Variants in INSR observed in about 807,000 individuals in gnomAD.
The protein encoded by INSR is insulin receptor, also known as IR.
INSR carries 67 observed loss-of-function variants against 142.6 expected under a neutral mutation model. The ratio of observed to expected loss-of-function variants is 0.47; its 90% CI spans 0.39 to 0.58. The LOEUF (loss-of-function observed/expected upper bound fraction) is 0.58. Among genes scored for constraint, INSR ranks in the 20% least tolerant of loss-of-function variants. INSR has a pLI of 0.00. For synonymous variants in INSR, 756 were observed against 743.1 expected (o/e 1.02, Z -0.28); for missense variants, 1,248 against 1,833.2 (o/e 0.68, Z 5.83).
chr19:7,134,780 G>A (rs1055460331), intron 13 of INSR, among the ~76,000 whole-genome samples: 2 of 151,712 alleles, frequency 1.3e-5, no homozygotes, highest in African/African-American at 2.4e-5. Flanking sequence ...AAAAGAAAAT[G>A]TGGTATACTT....
intron 2 of INSR, among the ~76,000 whole-genome samples, chr19:7,241,800 A>G (rs1251027607): frequency 6.6e-6 from 1 of 151,960 alleles, no homozygotes; most frequent in Non-Finnish European, 1.5e-5. Context: ...CACCACGGAG[A>G]GGGGTTCAGC....
intron 2 of INSR, among the ~76,000 whole-genome samples, chr19:7,198,394 T>C (rs900620064): frequency 1.3e-5 from 2 of 152,140 alleles, no homozygotes; most frequent in East Asian, 3.9e-4. Flanking sequence ...AGGTCGAGTC[T>C]GCCACGGATG....
In INSR at chr19:7,128,929, T is replaced by G. The variant is rs1439037362; in HGVS notation, c.2868A>C (p.Lys956Asn). ...DYLDVPSNIA[K>N]IIIGPLIFVF... ...CAAAGATGAGGGGGCCGATGATAAT[T>G]TTTGCAATATTTGACGGGACGTCTA... Residue 956 changes from lysine (K) to asparagine (N), a missense_variant, in exon 15 of 22, where the codon AAA (lysine) becomes AAC (asparagine). Transcript: ENST00000302850. The G allele has an allele frequency of 6.2e-7, 1 of 1,613,622 alleles. No individual in the cohort carries two copies. The highest frequency in any genetic ancestry group is 1.1e-5 in the South Asian group (1 of 91,070).
In INSR at chr19:7,117,037, C is replaced by G. The variant is rs1480130870; in HGVS notation, c.*19G>C. Reference sequence around the variant, plus strand: ...GCGAAAATGGGAACCCCTGCCCGCCCCCGCCACGGTAGGCACTGTTAGGAA... The same window carrying G: ...GCGAAAATGGGAACCCCTGCCCGCCGCCGCCACGGTAGGCACTGTTAGGAA... On this transcript the variant is annotated 3_prime_UTR_variant, in exon 22 of 22. Coordinates refer to ENST00000302850, the MANE Select transcript of INSR (RefSeq NM_000208.4). 6.2e-7 allele frequency: 1 copy of G among 1,602,452 alleles called. No homozygotes were observed. Among genetic ancestry groups the G allele is most frequent in the Non-Finnish European group, 8.6e-7 (1 of 1,169,446 alleles).
chr19:7,265,223 C>T (rs1003598020), intron 2 of INSR, among the ~76,000 whole-genome samples: 3 of 152,152 alleles, frequency 2.0e-5, no homozygotes, highest in African/African-American at 7.2e-5. Context: ...ATGATCAGAA[C>T]AGTCACTACC....
chr19:7,175,758 C>G (rs918735940), intron 3 of INSR, among the ~76,000 whole-genome samples: 1 of 151,746 alleles, frequency 6.6e-6, no homozygotes, highest in Non-Finnish European at 1.5e-5. Context: ...TCGCTTGAAC[C>G]TGGGAGGCAG....
At chr19:7,175,203 C>T (rs1396527005) in intron 3 of INSR, among the ~76,000 whole-genome samples, 1 of 151,950 alleles carries the variant, frequency 6.6e-6, no homozygotes, top group African/African-American at 2.4e-5. Flanking sequence ...TAGGACATAT[C>T]GCTTGATTGT....
At chr19:7,253,236 A>G (rs1976787180) in intron 2 of INSR, among the ~76,000 whole-genome samples, 1 of 151,072 alleles carries the variant, frequency 6.6e-6, no homozygotes. Context: ...TTATTTGTTT[A>G]TTTATTTATT....
intron 2 of INSR, among the ~76,000 whole-genome samples, chr19:7,207,847 G>A (rs12971756): frequency 0.74 from 111,728 of 150,450 alleles, 41,585 homozygotes; most frequent in Non-Finnish European, 0.75. Flanking sequence ...TGACTGTGCC[G>A]TTGCACTCTA....
intron 2 of INSR, among the ~76,000 whole-genome samples, chr19:7,261,112 T>C (rs1977049157): frequency 6.6e-6 from 1 of 152,072 alleles, no homozygotes; most frequent in Non-Finnish European, 1.5e-5. Flanking sequence ...GGTCTCGAAC[T>C]CCTGAGCTCA....
chr19:7,116,700 C>CAAAAAAAAAAA lies in INSR; in HGVS notation c.*345_*355dup, dbSNP rs71177157. The CAAAAAAAAAAA allele has an allele frequency of 3.7e-3, 185 of 50,474 alleles. 8 individuals are homozygous for CAAAAAAAAAAA. The highest frequency in any genetic ancestry group is 5.2e-3 in the Admixed American group (13 of 2,516). The allele number at this position is 50,474 out of a possible 1,614,324, so 3.1% of individuals were successfully genotyped here. ...TTTTATACTGAAGCTCAGACACCAG[C>CAAAAAAAAAAA]AAAAAAAAAAAAAAAAAAAAAGAAT... is the stretch of plus-strand genomic sequence containing the variant. On this transcript the variant is annotated 3_prime_UTR_variant, in exon 22 of 22. Transcript: ENST00000302850.
chr19:7,208,193 C>T (rs563441075), intron 2 of INSR, among the ~76,000 whole-genome samples: 168 of 152,206 alleles, frequency 1.1e-3, no homozygotes, highest in African/African-American at 3.7e-3. Flanking sequence ...CAGGAGGAAC[C>T]GCCCACTCGC....
chr19:7,251,507 C>T (rs532952948), intron 2 of INSR, among the ~76,000 whole-genome samples: 5 of 152,018 alleles, frequency 3.3e-5, no homozygotes, highest in Admixed American at 6.5e-5. Flanking sequence ...GTGATCCTCC[C>T]GCCTCAGCCT....
At chr19:7,242,373 C>T (rs1410888603) in intron 2 of INSR, among the ~76,000 whole-genome samples, 1 of 152,006 alleles carries the variant, frequency 6.6e-6, no homozygotes, top group East Asian at 1.9e-4. Flanking sequence ...TCTTTTTAAA[C>T]ATTCTTTCTA....
At chr19:7,283,726 C>T (rs1344825487) in intron 1 of INSR, among the ~76,000 whole-genome samples, 1 of 152,156 alleles carries the variant, frequency 6.6e-6, no homozygotes, top group East Asian at 1.9e-4. Flanking sequence ...GGGTATGAGC[C>T]ACAGATTCAC....
intron 2 of INSR, among the ~76,000 whole-genome samples, chr19:7,219,534 A>AAGG (rs1975543700): frequency 3.8e-5 from 4 of 103,988 alleles, no homozygotes; most frequent in African/African-American, 1.5e-4. Context: ...GGAAGGAAGG[A>AAGG]AGGGAGGGAG....
intron 14 of INSR, among the ~76,000 whole-genome samples, chr19:7,131,781 T>C (rs1177652119): frequency 2.0e-5 from 3 of 146,418 alleles, no homozygotes; most frequent in Non-Finnish European, 4.5e-5. Context: ...GGTGGATCAC[T>C]TGAGGTCAGG....
At chr19:7,240,355 G>T (rs1976301556) in intron 2 of INSR, among the ~76,000 whole-genome samples, 1 of 151,978 alleles carries the variant, frequency 6.6e-6, no homozygotes, top group Non-Finnish European at 1.5e-5. Context: ...GGCTGAGGCA[G>T]GTGGATTACC....
intron 8 of INSR, among the ~76,000 whole-genome samples, 165 bp downstream of exon 8, chr19:7,165,989 A>T (rs1973879514): frequency 6.7e-6 from 1 of 150,066 alleles, no homozygotes; most frequent in Non-Finnish European, 1.5e-5. Context: ...TGATCACCCC[A>T]CTGCATTGCA....
Sources: gnomAD v4.1 joint callset for allele counts (sites outside exome capture counted in the v4.1 genomes callset) on GRCh38, gnomAD v4.1.1 for gene constraint, MANE v1.5 for transcripts, NCBI Gene and HGNC (gene_info 2026-07-23, HGNC 2026-07-21) for gene names.